The following RHOT1 variants were observed in gnomAD, a reference collection of about 807,000 sequenced individuals.
RHOT1 encodes the protein ras homolog family member T1, also known as mitochondrial Rho GTPase 1.
In RHOT1, 27 loss-of-function variants were observed where a neutral mutation model predicts 95.3. The ratio of observed to expected loss-of-function variants is 0.28; its 90% confidence interval spans 0.21 to 0.39. The LOEUF (loss-of-function observed/expected upper bound fraction) is 0.39. RHOT1 is among the 10% of genes least tolerant of loss of function. The pLI, the probability that RHOT1 is intolerant of heterozygous loss-of-function variation, is 1.00. For synonymous variants in RHOT1, 227 were observed against 263.5 expected (o/e 0.86, Z 1.34); for missense variants, 578 against 786.7 (o/e 0.73, Z 3.17).
chr17:32,209,348 A>G (rs2037972049), intron 18 of RHOT1: 7 of 1,571,522 alleles, frequency 4.5e-6, no homozygotes, highest in Non-Finnish European at 6.1e-6. Context: ...TGTTATCTAC[A>G]GAGAGGATCA....
At chr17:32,181,113 A>T (rs574182231) in intron 6 of RHOT1, among the ~76,000 whole-genome samples, 2 of 152,316 alleles carry the variant, frequency 1.3e-5, no homozygotes, top group South Asian at 4.1e-4. Context: ...AAATGCTTTC[A>T]AGTGCTTCTC....
chr17:32,209,558 C>T, intron 18 of RHOT1: 1 of 630,598 alleles, frequency 1.6e-6, no homozygotes, highest in Non-Finnish European at 2.8e-6. Context: ...TAGAAACGCA[C>T]TGCTTGGTCA....
chr17:32,173,661 A>G (rs1450841628), intron 2 of RHOT1, among the ~76,000 whole-genome samples, 170 bp from the exon 3 acceptor site: 1 of 151,736 alleles, frequency 6.6e-6, no homozygotes, highest in Non-Finnish European at 1.5e-5. Flanking sequence ...TGCAGTGAGC[A>G]GAGATCGCAC....
In RHOT1 at chr17:32,224,856, T is replaced by C. The variant is rs1259473385; in HGVS notation, c.*123T>C. On this transcript the variant is annotated 3_prime_UTR_variant, in exon 20 of 20. Coordinates refer to ENST00000545287, the MANE Select transcript of RHOT1 (RefSeq NM_001033566.3). ...AGAGTTACTTTATTAATATTTGTAA[T>C]TCATGCATAAGAGTATTTTAATGAT... 1.5e-5 allele frequency: 9 copies of C among 616,414 alleles called. No individual in the cohort carries two copies. Among genetic ancestry groups the C allele is most frequent in the Non-Finnish European group, 2.0e-5 (7 of 350,942 alleles). 38.2% of individuals were successfully genotyped at this position (616,414 alleles called of 1,614,324 possible). A position where few individuals can be genotyped will look rare whatever the true frequency, so the allele number is the denominator to read the frequency against.
chr17:32,185,922 A>G (rs539333650), intron 8 of RHOT1, among the ~76,000 whole-genome samples: 2 of 151,626 alleles, frequency 1.3e-5, no homozygotes, highest in African/African-American at 2.4e-5. Flanking sequence ...GGATCTCACT[A>G]TGTTGCCCAG....
At chr17:32,196,197 T>G (rs77886304) in intron 11 of RHOT1, among the ~76,000 whole-genome samples, 141 of 150,748 alleles carry the variant, frequency 9.4e-4, no homozygotes, top group African/African-American at 2.9e-3. Context: ...TTTTTTTTTT[T>G]TTGAGACAGG....
chr17:32,147,763 T>C (rs2142349751), intron 1 of RHOT1, among the ~76,000 whole-genome samples: 1 of 149,906 alleles, frequency 6.7e-6, no homozygotes, highest in South Asian at 2.1e-4. Flanking sequence ...GAGGGTGCAG[T>C]GAGCGGAGAT....
At chr17:32,204,078 C>A in intron 16 of RHOT1, 105 bp downstream of exon 16, 2 of 743,644 alleles carry the variant, frequency 2.7e-6, no homozygotes, top group East Asian at 5.5e-5. Context: ...TGTAGAACTT[C>A]TGTGTGATTT....
chr17:32,199,758 A>AT (rs1230434677), intron 13 of RHOT1, among the ~76,000 whole-genome samples: 2 of 152,184 alleles, frequency 1.3e-5, no homozygotes, highest in Non-Finnish European at 2.9e-5. Flanking sequence ...TTTGAATGAT[A>AT]TATAGGGAAA....
At chr17:32,174,916 C>T (rs2034871493) in intron 3 of RHOT1, among the ~76,000 whole-genome samples, 1 of 152,200 alleles carries the variant, frequency 6.6e-6, no homozygotes, top group South Asian at 2.1e-4. Flanking sequence ...CTCCCACCTG[C>T]TATCTAGATC....
At chr17:32,185,073 C>A (rs2035929487) in intron 8 of RHOT1, among the ~76,000 whole-genome samples, 1 of 151,954 alleles carries the variant, frequency 6.6e-6, no homozygotes, top group South Asian at 2.1e-4. Context: ...GCACATACCA[C>A]CATGCCTGGC....
chr17:32,203,700 A>G (rs2037494683), intron 15 of RHOT1, among the ~76,000 whole-genome samples, 190 bp from the exon 16 acceptor site: 1 of 152,214 alleles, frequency 6.6e-6, no homozygotes, highest in Admixed American at 6.5e-5. Flanking sequence ...CAGAACAAAT[A>G]CATCTTTTAT....
intron 10 of RHOT1, among the ~76,000 whole-genome samples, chr17:32,193,733 A>G (rs899516443): frequency 3.9e-5 from 6 of 152,242 alleles, no homozygotes; most frequent in Non-Finnish European, 8.8e-5. Flanking sequence ...AACTTTGTGC[A>G]TGTCAGTATA....
chr17:32,195,655 CTATG>C (rs1350872655), intron 11 of RHOT1, among the ~76,000 whole-genome samples: 8 of 152,282 alleles, frequency 5.3e-5, no homozygotes, highest in African/African-American at 1.7e-4. Flanking sequence ...CTTCAGCTGT[CTATG>C]TAATGGTTCA....
intron 1 of RHOT1, among the ~76,000 whole-genome samples, chr17:32,155,045 C>G (rs1481002996): frequency 6.6e-6 from 1 of 152,128 alleles, no homozygotes; most frequent in Admixed American, 6.5e-5. Flanking sequence ...GATTGCACCA[C>G]TGCACTGCAG....
At chr17:32,165,073 G>A (rs2033932973) in intron 1 of RHOT1, among the ~76,000 whole-genome samples, 1 of 152,098 alleles carries the variant, frequency 6.6e-6, no homozygotes, top group Admixed American at 6.5e-5. Flanking sequence ...GGGCGTGGTG[G>A]CTTACGCCTG....
Position 32,188,992 on chromosome 17 carries a change from T to C in RHOT1, c.541-3209T>C, listed in dbSNP as rs114637003. On this transcript the variant is annotated intron_variant, in intron 8 of 19. Transcript: ENST00000545287. Reference sequence around the variant, plus strand: ...TTACCTCATCGTAATAGTCACTAAGTGTTACTTGTTAAAAACATAGATTCT... The same window carrying C: ...TTACCTCATCGTAATAGTCACTAAGCGTTACTTGTTAAAAACATAGATTCT... Among the ~76,000 whole-genome samples the C allele has an allele frequency of 7.2e-3, 1,095 of 152,326 alleles. 20 individuals carry two copies. Among genetic ancestry groups the C allele is most frequent in the African/African-American group, 0.025 (1,030 of 41,578 alleles).
chr17:32,198,900 T>G (rs1448255985), intron 11 of RHOT1, 47 bp from the exon 12 acceptor site: 2 of 1,269,816 alleles, frequency 1.6e-6, no homozygotes, highest in Non-Finnish European at 2.3e-6. Flanking sequence ...TTCTTAAATT[T>G]TAACATTTGA....
chr17:32,185,098 C>T (rs2035931858), intron 8 of RHOT1, among the ~76,000 whole-genome samples: 2 of 151,530 alleles, frequency 1.3e-5, no homozygotes, highest in Non-Finnish European at 2.9e-5. Flanking sequence ...TTTTCTTTTT[C>T]TTTTCTTTTT....
Sources: gnomAD v4.1 joint callset for allele counts (sites outside exome capture counted in the v4.1 genomes callset) on GRCh38, gnomAD v4.1.1 for gene constraint, MANE v1.5 for transcripts, NCBI Gene and HGNC (gene_info 2026-07-23, HGNC 2026-07-21) for gene names.